The following OPCML variants were observed in gnomAD, a reference collection of about 807,000 sequenced individuals.
OPCML encodes opioid binding protein/cell adhesion molecule like, also known as opioid-binding protein/cell adhesion molecule.
Under a neutral mutation model 37.8 loss-of-function variants are expected in OPCML, and 13 were observed. That is an observed-to-expected ratio of 0.34 (90% CI 0.22 to 0.55). The LOEUF is 0.55. Ranked by LOEUF, OPCML falls within the 20% of genes least tolerant of loss-of-function variation. The pLI, the probability that OPCML is intolerant of heterozygous loss-of-function variation, is 0.91. For missense variants in OPCML, 341 were observed against 435.6 expected (o/e 0.78, Z 1.93); for synonymous variants, 176 against 168.8 (o/e 1.04, Z -0.33).
At chr11:133,191,504 G>T (rs187238516) in intron 1 of OPCML, among the ~76,000 whole-genome samples, 8,289 of 142,428 alleles carry the variant, frequency 0.058, 488 homozygotes, top group African/African-American at 0.12. Context: ...TGTGTGTGTG[G>T]GTGTGTGTGT....
intron 1 of OPCML, among the ~76,000 whole-genome samples, chr11:133,132,676 A>G (rs772486538): frequency 1.3e-5 from 2 of 152,196 alleles, no homozygotes; most frequent in African/African-American, 2.4e-5. Flanking sequence ...ATCAGCAATG[A>G]AAAGAAAGGA....
chr11:133,510,709 C>A (rs150297142), intron 1 of OPCML, among the ~76,000 whole-genome samples: 1 of 152,078 alleles, frequency 6.6e-6, no homozygotes, highest in South Asian at 2.1e-4. Context: ...TACTACCTGA[C>A]CTACACGTTA....
intron 1 of OPCML, among the ~76,000 whole-genome samples, chr11:133,262,699 G>C (rs1941531796): frequency 6.6e-6 from 1 of 152,146 alleles, no homozygotes; most frequent in Admixed American, 6.5e-5. Flanking sequence ...TTTCTGGCAA[G>C]CTCTTTGATG....
intron 4 of OPCML, among the ~76,000 whole-genome samples, chr11:132,488,726 A>T (rs1296840108): frequency 6.6e-6 from 1 of 152,158 alleles, no homozygotes; most frequent in Admixed American, 6.5e-5. Flanking sequence ...TACCAACATA[A>T]TTTTTTTAAC....
At chr11:132,687,419 TATATATA>T (rs1943212720) in intron 2 of OPCML, among the ~76,000 whole-genome samples, 1 of 88,930 alleles carries the variant, frequency 1.1e-5, no homozygotes. Context: ...TATATATATA[TATATATA>T]TATTTAATCT....
chr11:132,853,759 A>G (rs1941919871), intron 2 of OPCML, among the ~76,000 whole-genome samples: 1 of 152,204 alleles, frequency 6.6e-6, no homozygotes, highest in South Asian at 2.1e-4. Flanking sequence ...TCTAACATGT[A>G]CAAGTATTCA....
chr11:132,475,207 C>A (rs565638091), intron 4 of OPCML, among the ~76,000 whole-genome samples: 141 of 152,302 alleles, frequency 9.3e-4, no homozygotes, highest in African/African-American at 3.2e-3. Context: ...GAGGGCTGGC[C>A]TAAATCTCCA....
At chr11:132,561,393 C>T (rs56405813) in intron 3 of OPCML, among the ~76,000 whole-genome samples, 5,754 of 152,230 alleles carry the variant, frequency 0.038, 405 homozygotes, top group African/African-American at 0.13. Flanking sequence ...ATGATAAAAC[C>T]CTTTCCAGTT....
In OPCML at chr11:133,205,058, G is replaced by C. The variant is rs116882584; in HGVS notation, c.62-262048C>G. 1.8e-4 allele frequency among the ~76,000 whole-genome samples: 28 copies of C among 151,848 alleles called. No homozygotes were observed. The East Asian group carries it at 4.9e-3, about 27-fold the overall frequency. On this transcript the variant is annotated intron_variant, in intron 1 of 7. Coordinates refer to ENST00000524381, the MANE Select transcript of OPCML (RefSeq NM_001012393.5). The surrounding 1 kb of genome is among the most constrained non-coding windows in gnomAD (Gnocchi z 4.8). ...GATGGCCTCAGGATGGTGGCTGGCT[G>C]CCAGGGAAGCCAATTCTGTGATTAA...
intron 1 of OPCML, among the ~76,000 whole-genome samples, chr11:133,289,203 C>T (rs1011960461): frequency 1.2e-4 from 18 of 152,222 alleles, no homozygotes; most frequent in Middle Eastern, 3.4e-3. Context: ...GGATAGTAAA[C>T]CCTGATTTAG....
intron 1 of OPCML, among the ~76,000 whole-genome samples, chr11:132,954,901 G>A (rs1945944977): frequency 6.6e-6 from 1 of 152,282 alleles, no homozygotes; most frequent in East Asian, 1.9e-4. Flanking sequence ...ACAGAAATCA[G>A]GGAGGAGACC....
intron 1 of OPCML, among the ~76,000 whole-genome samples, chr11:133,063,583 G>A (rs1361071900): frequency 2.1e-5 from 3 of 143,698 alleles, no homozygotes; most frequent in Non-Finnish European, 1.5e-5. Flanking sequence ...TTTTTTCGGA[G>A]GGAGTTTTGC....
chr11:132,520,771 C>G (rs1591499070), intron 4 of OPCML, among the ~76,000 whole-genome samples: 1 of 151,810 alleles, frequency 6.6e-6, no homozygotes, highest in East Asian at 1.9e-4. Context: ...TTTATCCAGT[C>G]TATCATTGAT....
chr11:132,687,685 T>A (rs1943227058), intron 2 of OPCML, among the ~76,000 whole-genome samples: 2 of 151,944 alleles, frequency 1.3e-5, no homozygotes, highest in Admixed American at 1.3e-4. Flanking sequence ...GCATTTTCCA[T>A]CTGAAAGCAA....
chr11:132,471,939 T>A (rs1054637082), intron 4 of OPCML, among the ~76,000 whole-genome samples: 2 of 152,154 alleles, frequency 1.3e-5, no homozygotes, highest in African/African-American at 4.8e-5. Flanking sequence ...CACCCTCTTT[T>A]CCTTGTCTGA....
intron 2 of OPCML, among the ~76,000 whole-genome samples, chr11:132,928,980 C>A (rs1945093469): frequency 6.7e-6 from 1 of 150,158 alleles, no homozygotes; most frequent in African/African-American, 2.4e-5. Context: ...AAATTCATAG[C>A]ACTAAACACT....
chr11:132,756,371 A>T (rs750708310), intron 2 of OPCML, among the ~76,000 whole-genome samples: 6 of 152,314 alleles, frequency 3.9e-5, no homozygotes, highest in Non-Finnish European at 7.4e-5. Context: ...CTAAGGTAAC[A>T]GGGTTTCTTG....
chr11:132,924,586 G>C (rs1457387007), intron 2 of OPCML, among the ~76,000 whole-genome samples: 1 of 152,160 alleles, frequency 6.6e-6, no homozygotes, highest in Non-Finnish European at 1.5e-5. Context: ...TTTCTTGCTT[G>C]CTTGGTTTCT....
At chr11:132,531,497 T>C (rs1458090281) in intron 3 of OPCML, among the ~76,000 whole-genome samples, 1 of 152,244 alleles carries the variant, frequency 6.6e-6, no homozygotes, top group African/African-American at 2.4e-5. Flanking sequence ...CTTGGAGTTT[T>C]ACGCTGCTGA....
Sources: allele counts gnomAD v4.1 joint callset (sites outside exome capture counted in the v4.1 genomes callset), GRCh38; gene constraint gnomAD v4.1.1; non-coding constraint Gnocchi (gnomAD v3.1); transcripts MANE v1.5; gene names NCBI Gene and HGNC (gene_info 2026-07-23, HGNC 2026-07-21).